MYH9: variants seen among roughly 807,000 people sequenced by gnomAD.
The protein encoded by MYH9 is myosin heavy chain 9, also known as myosin-9.
Under a neutral mutation model 241.9 loss-of-function variants are expected in MYH9, and 29 were observed. The ratio of observed to expected loss-of-function variants is 0.12; its 90% CI spans 0.09 to 0.16. The LOEUF is 0.16. MYH9 is among the 10% of genes least tolerant of loss of function. The probability of loss-of-function intolerance (pLI) is 1.00; values close to 1 mark genes in which losing one functional copy is unlikely to be tolerated. For synonymous variants in MYH9, 1,047 were observed against 1,062.6 expected (o/e 0.99, Z 0.29); for missense variants, 1,803 against 2,595.5 (o/e 0.69, Z 6.63).
chr22:36,355,771 C>T (rs533328666), intron 1 of MYH9, among the ~76,000 whole-genome samples: 46 of 152,306 alleles, frequency 3.0e-4, no homozygotes, highest in Admixed American at 2.4e-3. Flanking sequence ...GCTTCAATGC[C>T]CTGCTCCGTT....
intron 2 of MYH9, among the ~76,000 whole-genome samples, chr22:36,344,488 G>A (rs896661351): frequency 7.2e-5 from 11 of 152,030 alleles, no homozygotes; most frequent in African/African-American, 1.9e-4. Context: ...AGGCGGCCCC[G>A]CCCAGGGGCG....
At chr22:36,327,805 C>A (rs991012455) in intron 3 of MYH9, among the ~76,000 whole-genome samples, 1 of 152,206 alleles carries the variant, frequency 6.6e-6, no homozygotes, top group Non-Finnish European at 1.5e-5. Flanking sequence ...GAGTCGACTT[C>A]CCTGGGAGCT....
At chr22:36,374,874 G>A (rs968185470) in intron 1 of MYH9, among the ~76,000 whole-genome samples, 4 of 152,164 alleles carry the variant, frequency 2.6e-5, no homozygotes, top group Non-Finnish European at 2.9e-5. Flanking sequence ...CTCTGCCTGC[G>A]TCTGGGCAAC....
chr22:36,325,961 A>G (rs2017329719), intron 5 of MYH9, among the ~76,000 whole-genome samples: 3 of 152,348 alleles, frequency 2.0e-5, no homozygotes, highest in South Asian at 2.1e-4. Flanking sequence ...ACAGAATTCA[A>G]GGGCACACGA....
At position 36,300,211 on chromosome 22, in the gene MYH9, C is replaced by T. The variant is rs754725691; in HGVS notation, c.2892G>A (p.Leu964=). 4.3e-6 allele frequency: 7 copies of T among 1,613,276 alleles called. No individual in the cohort carries two copies. Among genetic ancestry groups the T allele is most frequent in the Admixed American group, 3.3e-5 (2 of 60,006 alleles). ...GCTTCGCCTCGGTGGTCACCTTCTCCAGCTGCAGCTTCTGCCGGGCGCTCT... is the reference window on the plus strand; with the variant it reads ...GCTTCGCCTCGGTGGTCACCTTCTCTAGCTGCAGCTTCTGCCGGGCGCTCT... ...EEESARQKLQ[L]EKVTTEAKLK... Residue 964 remains leucine, a synonymous_variant, in exon 23 of 41, where the codon CTG becomes CTA. Transcript: ENST00000216181. The surrounding 1 kb of genome is among the most constrained non-coding windows in gnomAD (Gnocchi z 5.0).
chr22:36,325,187 A>G, intron 5 of MYH9: 1 of 712,998 alleles, frequency 1.4e-6, no homozygotes, highest in Middle Eastern at 2.6e-4. Flanking sequence ...AGAGACAGAG[A>G]GGGAGACAGA....
At chr22:36,311,045 T>C (rs1357622336) in intron 14 of MYH9, among the ~76,000 whole-genome samples, 11 of 152,200 alleles carry the variant, frequency 7.2e-5, no homozygotes, top group Admixed American at 7.2e-4. Flanking sequence ...CCTTGTGGCT[T>C]GGGAACAGAC....
At chr22:36,362,708 T>G (rs959500363) in intron 1 of MYH9, among the ~76,000 whole-genome samples, 2 of 152,146 alleles carry the variant, frequency 1.3e-5, no homozygotes, top group Non-Finnish European at 2.9e-5. Flanking sequence ...ACTCCTGACC[T>G]CAAGTGATCC....
In MYH9 at chr22:36,282,247, C is replaced by T. The variant is rs561962909; in HGVS notation, c.*421G>A. 2.2e-5 allele frequency: 8 copies of T among 369,860 alleles called. No individual in the cohort carries two copies. Among genetic ancestry groups the T allele is most frequent in the East Asian group, 1.4e-4 (3 of 21,908 alleles). 22.9% of individuals were successfully genotyped at this position (369,860 alleles called of 1,614,324 possible). ...GAGGAGTGGGGGCGCTGGTGGCAGA[C>T]GTCAGGGAGGCTGACGACTGCGGGG... On this transcript the variant is annotated 3_prime_UTR_variant, in exon 41 of 41. Coordinates refer to ENST00000216181, the MANE Select transcript of MYH9 (RefSeq NM_002473.6).
chr22:36,303,186 T>C (rs530221752), intron 19 of MYH9, among the ~76,000 whole-genome samples: 1 of 151,310 alleles, frequency 6.6e-6, no homozygotes, highest in Admixed American at 6.6e-5. Context: ...TCAAGCTTCG[T>C]CTCCCAGAGC....
chr22:36,311,906 T>C lies in MYH9; in HGVS notation c.1728+143A>G, dbSNP rs5756138. 0.59 allele frequency: 540,373 copies of C among 916,024 alleles called. 169,902 individuals are homozygous for C. The highest frequency in any genetic ancestry group is 0.67 in the Non-Finnish European group (382,893 of 572,212). 56.7% of individuals were successfully genotyped at this position (916,024 alleles called of 1,614,324 possible). On this transcript the variant is annotated intron_variant, in intron 14 of 40. Coordinates refer to ENST00000216181, the MANE Select transcript of MYH9 (RefSeq NM_002473.6). ...ATGATGATGCTGTCACCGGCCACAT[T>C]ACTGGGTGAGTCATTGTGCAAGAAC...
chr22:36,311,145 T>C (rs973039644), intron 14 of MYH9, among the ~76,000 whole-genome samples: 3 of 152,170 alleles, frequency 2.0e-5, no homozygotes, highest in Non-Finnish European at 4.4e-5. Flanking sequence ...ATCACAGCAA[T>C]TAACTGTTAG....
chr22:36,316,444 G>C (rs2017153696), intron 12 of MYH9, 73 bp downstream of exon 12: 1 of 1,605,590 alleles, frequency 6.2e-7, no homozygotes, highest in Non-Finnish European at 8.5e-7. Context: ...TGAGAAGCAG[G>C]GTTCTTAACC....
chr22:36,358,923 C>T lies in MYH9; in HGVS notation c.-19-9668G>A, dbSNP rs189841149. Among the ~76,000 whole-genome samples the T allele has an allele frequency of 6.2e-4, 94 of 152,324 alleles. 1 individual carries two copies. Among genetic ancestry groups the T allele is most frequent in the African/African-American group, 2.2e-3 (92 of 41,576 alleles). The stretch of plus-strand genomic sequence containing the variant: ...GCTAAGCAAGCCCTCTAGGACCCCA[C>T]CCATTCATCTTGCCCCTGCCCTTCC... On this transcript the variant is annotated intron_variant, in intron 1 of 40. Transcript: ENST00000216181.
intron 1 of MYH9, among the ~76,000 whole-genome samples, chr22:36,375,989 T>C (rs925661515): frequency 7.0e-6 from 1 of 142,718 alleles, no homozygotes; most frequent in Admixed American, 7.2e-5. Context: ...GAGATGGAGT[T>C]TTGCTCCTAT....
rs981102823 is a variant in MYH9 at position 36,318,148 on chromosome 22, G to A, written c.1227+59C>T. On this transcript the variant is annotated intron_variant, in intron 11 of 40. Coordinates refer to ENST00000216181, the MANE Select transcript of MYH9 (RefSeq NM_002473.6). The stretch of plus-strand genomic sequence containing the variant: ...GATGGCCCACAACAGCCTCAACTGT[G>A]CTGCTGCAGGGACATTCACCCAGGA... The A allele has an allele frequency of 1.5e-5, 22 of 1,452,944 alleles. No individual in the cohort carries two copies. In the Admixed American group the frequency reaches 3.5e-4, roughly 23 times the overall value. 90.0% of individuals were successfully genotyped at this position (1,452,944 alleles called of 1,614,324 possible). A position where few individuals can be genotyped will look rare whatever the true frequency, so the allele number is the denominator to read the frequency against.
chr22:36,281,798 C>T lies in MYH9; in HGVS notation c.*870G>A, dbSNP rs2016492615. On this transcript the variant is annotated 3_prime_UTR_variant, in exon 41 of 41. Coordinates refer to ENST00000216181, the MANE Select transcript of MYH9 (RefSeq NM_002473.6). ...CCCAGTCCTAGAGTAGACACAAGATCGCCTGGGAGGGCCGCTGGCCCCTCT... is the reference window on the plus strand; with the variant it reads ...CCCAGTCCTAGAGTAGACACAAGATTGCCTGGGAGGGCCGCTGGCCCCTCT... 8.6e-6 allele frequency: 2 copies of T among 231,580 alleles called. No individual in the cohort carries two copies. Among genetic ancestry groups the T allele is most frequent in the Admixed American group, 1.1e-4 (2 of 17,734 alleles). The allele number at this position is 231,580 out of a possible 1,614,324, so 14.3% of individuals were successfully genotyped here. A position where few individuals can be genotyped will look rare whatever the true frequency, so the allele number is the denominator to read the frequency against.
intron 1 of MYH9, among the ~76,000 whole-genome samples, chr22:36,362,018 G>A (rs538188252): frequency 4.6e-5 from 7 of 152,220 alleles, no homozygotes; most frequent in East Asian, 1.9e-4. Flanking sequence ...GCAGTGAGCC[G>A]AAATTGCGCC....
At chr22:36,311,938 C>T in intron 14 of MYH9, 111 bp downstream of exon 14, 1 of 1,297,232 alleles carries the variant, frequency 7.7e-7, no homozygotes, top group Non-Finnish European at 1.1e-6. Context: ...GAACCGTACT[C>T]AGGTCACACC....
Sources: allele counts gnomAD v4.1 joint callset (sites outside exome capture counted in the v4.1 genomes callset), GRCh38; gene constraint gnomAD v4.1.1; non-coding constraint Gnocchi (gnomAD v3.1); transcripts MANE v1.5; gene names NCBI Gene and HGNC (gene_info 2026-07-23, HGNC 2026-07-21).